Variants in PRKG1 observed in about 807,000 individuals in gnomAD.
PRKG1 encodes the protein protein kinase cGMP-dependent 1.
In PRKG1, 35 loss-of-function variants were observed where a neutral mutation model predicts 88.1. The observed-to-expected ratio is 0.40, with a 90% CI of 0.30 to 0.53. The LOEUF is 0.53. PRKG1 is among the 20% of genes least tolerant of loss of function. PRKG1 has a pLI of 0.59. For synonymous variants in PRKG1, 303 were observed against 292.5 expected, an observed-to-expected ratio of 1.04 and a Z score of -0.37; for missense variants, 540 against 839.8, an observed-to-expected ratio of 0.64 and a Z score of 4.41.
intron 2 of PRKG1, among the ~76,000 whole-genome samples, chr10:51,243,778 G>T (rs1374509656): frequency 6.6e-6 from 1 of 152,104 alleles, no homozygotes; most frequent in Non-Finnish European, 1.5e-5. Flanking sequence ...CTAATTAATT[G>T]GTAGATATCA....
At chr10:51,888,889 C>G (rs1195736425) in intron 4 of PRKG1, among the ~76,000 whole-genome samples, 1 of 152,074 alleles carries the variant, frequency 6.6e-6, no homozygotes, top group Non-Finnish European at 1.5e-5. Flanking sequence ...ATGTCACTGA[C>G]AAGAAAATAG....
chr10:51,638,765 A>AT (rs774251768), intron 3 of PRKG1, among the ~76,000 whole-genome samples: 12 of 152,252 alleles, frequency 7.9e-5, no homozygotes, highest in Non-Finnish European at 1.5e-4. Flanking sequence ...CAGCTAGTTA[A>AT]TTTGAAATAA....
At chr10:51,640,472 A>C (rs974426150) in intron 3 of PRKG1, among the ~76,000 whole-genome samples, 3 of 152,232 alleles carry the variant, frequency 2.0e-5, no homozygotes, top group Non-Finnish European at 2.9e-5. Flanking sequence ...ATGTTAATTG[A>C]CTGGAGTAGG....
chr10:52,156,212 ATTAG>A (rs67506753), intron 8 of PRKG1, among the ~76,000 whole-genome samples: 26,672 of 151,762 alleles, frequency 0.18, 2,690 homozygotes, highest in South Asian at 0.3. Flanking sequence ...AATACTAATA[ATTAG>A]TTAGTTACTC....
In PRKG1 at chr10:51,200,962, A is replaced by G. The variant is rs149741992; in HGVS notation, c.478+47632A>G. ...GATTTGGCTCTTTCTGTAAATATTTATTGCCATAATCAGTAGTTTGATGGG... is the reference window on the plus strand; with the variant it reads ...GATTTGGCTCTTTCTGTAAATATTTGTTGCCATAATCAGTAGTTTGATGGG... On this transcript the variant is annotated intron_variant, in intron 2 of 17. Coordinates refer to ENST00000373980, the MANE Select transcript of PRKG1 (RefSeq NM_006258.4). 7.7e-4 allele frequency among the ~76,000 whole-genome samples: 117 copies of G among 152,228 alleles called. 1 individual carries two copies. Among genetic ancestry groups the G allele is most frequent in the African/African-American group, 2.7e-3 (114 of 41,566 alleles).
At chr10:51,762,837 G>T (rs564732375) in intron 3 of PRKG1, among the ~76,000 whole-genome samples, 2 of 152,112 alleles carry the variant, frequency 1.3e-5, no homozygotes, top group Non-Finnish European at 2.9e-5. Context: ...TCACAAATGC[G>T]ATAGCTAGAA....
At chr10:51,644,091 C>T (rs1372472901) in intron 3 of PRKG1, among the ~76,000 whole-genome samples, 1 of 152,170 alleles carries the variant, frequency 6.6e-6, no homozygotes, top group South Asian at 2.1e-4. Flanking sequence ...AATTACAATG[C>T]CAATATCACA....
At chr10:51,982,129 T>A (rs191314688) in intron 5 of PRKG1, among the ~76,000 whole-genome samples, 7 of 152,388 alleles carry the variant, frequency 4.6e-5, no homozygotes, top group Admixed American at 3.3e-4. Flanking sequence ...GATTGCATTA[T>A]AAAATTCTTG....
chr10:52,258,489 AC>A (rs1841357892), intron 10 of PRKG1, among the ~76,000 whole-genome samples: 4 of 151,612 alleles, frequency 2.6e-5, no homozygotes, highest in Middle Eastern at 6.8e-3. Flanking sequence ...AGAACATGAG[AC>A]ATGATCCACA....
At chr10:51,142,537 A>G (rs1564616062) in intron 1 of PRKG1, among the ~76,000 whole-genome samples, 1 of 152,124 alleles carries the variant, frequency 6.6e-6, no homozygotes, top group Non-Finnish European at 1.5e-5. Context: ...AGAGAGAGAG[A>G]GAGAGACAGA....
At chr10:52,197,774 T>A (rs1839547230) in intron 9 of PRKG1, among the ~76,000 whole-genome samples, 2 of 152,248 alleles carry the variant, frequency 1.3e-5, no homozygotes, top group African/African-American at 4.8e-5. Flanking sequence ...GTCATCTTAA[T>A]ACCAGACTTT....
At chr10:52,092,568 G>GT (rs1182454028) in intron 7 of PRKG1, among the ~76,000 whole-genome samples, 1 of 152,130 alleles carries the variant, frequency 6.6e-6, no homozygotes, top group Non-Finnish European at 1.5e-5. Context: ...GTCCTGTGGT[G>GT]TTAAGAGTTT....
intron 2 of PRKG1, among the ~76,000 whole-genome samples, chr10:51,368,831 G>T (rs537530441): frequency 6.6e-6 from 1 of 152,058 alleles, no homozygotes; most frequent in Non-Finnish European, 1.5e-5. Context: ...TCATGGGAGC[G>T]TAGTGTCCTC....
chr10:51,070,293 TAAG>T (rs1381206156), upstream of PRKG1, among the ~76,000 whole-genome samples: 1 of 152,134 alleles, frequency 6.6e-6, no homozygotes, highest in East Asian at 1.9e-4. Context: ...TATCATGCAT[TAAG>T]AAGTCAAGGA....
chr10:51,955,838 A>G (rs557806122), intron 5 of PRKG1, among the ~76,000 whole-genome samples: 2 of 152,258 alleles, frequency 1.3e-5, no homozygotes, highest in South Asian at 4.1e-4. Context: ...TTTTAGAGTT[A>G]AAGCGAAAGT....
chr10:52,087,991 G>T (rs1846958247), intron 7 of PRKG1, among the ~76,000 whole-genome samples: 1 of 152,120 alleles, frequency 6.6e-6, no homozygotes. Context: ...AAGGACTAAT[G>T]AACTTAGAAA....
intron 9 of PRKG1, among the ~76,000 whole-genome samples, chr10:52,250,990 A>G (rs1429853752): frequency 6.6e-6 from 1 of 152,112 alleles, no homozygotes; most frequent in Non-Finnish European, 1.5e-5. Context: ...GAATGTGACT[A>G]TGCTTCCGAA....
chr10:51,708,528 C>T (rs547657145), intron 3 of PRKG1, among the ~76,000 whole-genome samples: 1 of 152,178 alleles, frequency 6.6e-6, no homozygotes, highest in Non-Finnish European at 1.5e-5. Context: ...CTCCCACTCC[C>T]TTCCTCACTC....
chr10:51,190,028 T>C (rs1837592530), intron 2 of PRKG1, among the ~76,000 whole-genome samples: 1 of 151,918 alleles, frequency 6.6e-6, no homozygotes, highest in Non-Finnish European at 1.5e-5. Flanking sequence ...ACATGCGCCT[T>C]AGAAATGTGA....
Sources: gnomAD v4.1 joint callset for allele counts (sites outside exome capture counted in the v4.1 genomes callset) on GRCh38, gnomAD v4.1.1 for gene constraint, MANE v1.5 for transcripts, NCBI Gene and HGNC (gene_info 2026-07-23, HGNC 2026-07-21) for gene names.